The following LINGO2 variants were observed in gnomAD, a reference collection of about 807,000 sequenced individuals.
LINGO2 encodes leucine-rich repeat and immunoglobulin-like domain-containing nogo receptor-interacting protein 2.
LINGO2 carries 14 observed loss-of-function variants against 30.6 expected under a neutral mutation model. That is an observed-to-expected ratio of 0.46 (90% CI 0.30 to 0.72). The LOEUF (loss-of-function observed/expected upper bound fraction) is 0.72. LINGO2 is among the 30% of genes least tolerant of loss of function. The pLI is 0.07. For synonymous variants in LINGO2, 317 were observed against 288.5 expected (o/e 1.10, Z -1.00); for missense variants, 729 against 751.7 (o/e 0.97, Z 0.35).
the LINGO2 span, among the ~76,000 whole-genome samples, chr9:29,056,661 C>T: frequency 1.4e-4 from 21 of 152,144 alleles, no homozygotes; most frequent in East Asian, 2.7e-3. Context: ...GAAGTTCTGC[C>T]GACGACAATG....
At chr9:28,237,354 G>A (rs1821611031) in intron 4 of LINGO2, among the ~76,000 whole-genome samples, 2 of 151,712 alleles carry the variant, frequency 1.3e-5, no homozygotes, top group South Asian at 4.2e-4. Context: ...TTTATTAAAA[G>A]AAAGATGGGA....
intron 4 of LINGO2, among the ~76,000 whole-genome samples, chr9:28,083,287 TGACTCTAGACAATC>T (rs1011024668): frequency 1.3e-5 from 2 of 152,174 alleles, no homozygotes; most frequent in African/African-American, 4.8e-5. Context: ...GCTCCCTTTT[TGACTCTAGACAATC>T]GTGCTTGGTC....
the LINGO2 span, among the ~76,000 whole-genome samples, chr9:29,055,483 G>C: frequency 1.3e-5 from 2 of 152,088 alleles, no homozygotes; most frequent in African/African-American, 4.8e-5. Flanking sequence ...CCAACATTTT[G>C]GCTATTGTAA....
intron 4 of LINGO2, among the ~76,000 whole-genome samples, chr9:28,081,290 CA>C (rs79994366): frequency 0.48 from 62,456 of 129,424 alleles, 13,778 homozygotes; most frequent in Middle Eastern, 0.56. Flanking sequence ...ATTCAATACT[CA>C]AAAAAAAAAA....
chr9:28,818,057 A>T, the LINGO2 span, among the ~76,000 whole-genome samples: 2 of 152,204 alleles, frequency 1.3e-5, no homozygotes, highest in Non-Finnish European at 2.9e-5. Flanking sequence ...CACAGAAAAA[A>T]TACTTTTTAG....
the LINGO2 span, among the ~76,000 whole-genome samples, chr9:28,970,052 C>T: frequency 6.6e-6 from 1 of 151,614 alleles, no homozygotes; most frequent in Non-Finnish European, 1.5e-5. Flanking sequence ...CAAAGGAAGA[C>T]AGTGTACGTG....
chr9:28,383,234 A>G (rs1821424101), intron 2 of LINGO2, among the ~76,000 whole-genome samples: 1 of 147,872 alleles, frequency 6.8e-6, no homozygotes, highest in Non-Finnish European at 1.5e-5. Flanking sequence ...TAAAATTGAA[A>G]CACTATAGAT....
chr9:28,270,356 G>A (rs1822897068), intron 4 of LINGO2, among the ~76,000 whole-genome samples: 1 of 151,968 alleles, frequency 6.6e-6, no homozygotes, highest in Non-Finnish European at 1.5e-5. Flanking sequence ...AGATCAGTGG[G>A]AGGAGGCCTT....
Position 28,196,260 on chromosome 9 carries a change from C to G in LINGO2, c.-87+98948G>C, listed in dbSNP as rs1041247891. Among the ~76,000 whole-genome samples the G allele has an allele frequency of 4.6e-5, 7 of 151,242 alleles. No individual in the cohort carries two copies. In the East Asian group the frequency reaches 1.4e-3, roughly 29 times the overall value. On this transcript the variant is annotated intron_variant, in intron 4 of 5. Coordinates refer to ENST00000379992, the Ensembl canonical transcript of LINGO2. ...ACTATTTAATATTGACCTAGTGGTA[C>G]TGGACAAGAGAAGAAAAATTAAAAT...
intron 2 of LINGO2, among the ~76,000 whole-genome samples, chr9:28,448,885 A>G (rs1210422255): frequency 1.3e-5 from 2 of 152,022 alleles, no homozygotes. Flanking sequence ...ACTAAAATGT[A>G]GGACAAGTCA....
the LINGO2 span, among the ~76,000 whole-genome samples, chr9:29,034,625 A>C: frequency 6.6e-6 from 1 of 152,180 alleles, no homozygotes; most frequent in Non-Finnish European, 1.5e-5. Context: ...CTGATCAATA[A>C]TTTTGCTCTG....
chr9:28,132,575 G>C (rs1199231408), intron 4 of LINGO2, among the ~76,000 whole-genome samples: 1 of 152,110 alleles, frequency 6.6e-6, no homozygotes, highest in Non-Finnish European at 1.5e-5. Flanking sequence ...AGTTTGAACA[G>C]GTAAAAATTT....
At chr9:29,178,976 A>C in the LINGO2 span, among the ~76,000 whole-genome samples, 1 of 151,158 alleles carries the variant, frequency 6.6e-6, no homozygotes. Flanking sequence ...TAATTAATTA[A>C]TTAATTAATT....
At chr9:28,097,706 G>C (rs1282298405) in intron 4 of LINGO2, among the ~76,000 whole-genome samples, 1 of 111,774 alleles carries the variant, frequency 8.9e-6, no homozygotes, top group South Asian at 3.7e-4. Context: ...GAGGGGGGAG[G>C]GATAGCATTA....
intron 1 of LINGO2, among the ~76,000 whole-genome samples, chr9:28,551,260 C>T (rs1216276423): frequency 3.3e-5 from 5 of 151,764 alleles, no homozygotes; most frequent in African/African-American, 1.2e-4. Context: ...CCAGAGACTG[C>T]CACAGAAAAC....
At chr9:28,542,679 T>C (rs1301714217) in intron 1 of LINGO2, among the ~76,000 whole-genome samples, 2 of 152,110 alleles carry the variant, frequency 1.3e-5, no homozygotes, top group African/African-American at 4.8e-5. Flanking sequence ...CCAGAAGAGT[T>C]GTTCTCTTTG....
At position 28,179,130 on chromosome 9, in the gene LINGO2, G is replaced by T. The variant is rs576099537; in HGVS notation, c.-87+116078C>A. Among the ~76,000 whole-genome samples, 35 of 151,616 alleles carry T rather than the reference G, an allele frequency of 2.3e-4. No homozygotes were observed. The South Asian group carries it at 7.3e-3, about 32-fold the overall frequency. ...CATCTGCTAGTTCCACTTATTTAAA[G>T]TTCCTCCTATATTTTATTGGAAACT... On this transcript the variant is annotated intron_variant, in intron 4 of 5. Coordinates refer to ENST00000379992, the Ensembl canonical transcript of LINGO2.
chr9:28,751,782 A>T, the LINGO2 span, among the ~76,000 whole-genome samples: 2 of 151,996 alleles, frequency 1.3e-5, no homozygotes, highest in Non-Finnish European at 2.9e-5. Context: ...CTTATTTTCT[A>T]GCAAAGATTT....
the LINGO2 span, among the ~76,000 whole-genome samples, chr9:28,935,723 T>C: frequency 6.6e-6 from 1 of 151,826 alleles, no homozygotes; most frequent in African/African-American, 2.4e-5. Flanking sequence ...AAATCTGCAA[T>C]ATAGTCAAAT....
Sources: gnomAD v4.1 joint callset for allele counts (sites outside exome capture counted in the v4.1 genomes callset) on GRCh38, gnomAD v4.1.1 for gene constraint, MANE v1.5 for transcripts, NCBI Gene and HGNC (gene_info 2026-07-23, HGNC 2026-07-21) for gene names.